Variants in RELN observed in about 807,000 individuals in gnomAD.
RELN encodes the protein reelin.
Under a neutral mutation model 427.6 loss-of-function variants are expected in RELN, and 108 were observed. That is an observed-to-expected ratio of 0.25 (90% CI 0.22 to 0.30). The LOEUF (loss-of-function observed/expected upper bound fraction) is 0.30. Ranked by LOEUF, RELN falls within the 10% of genes least tolerant of loss-of-function variation. RELN has a pLI of 1.00. For missense variants in RELN, 3,715 were observed against 4,302.8 expected (o/e 0.86, Z 3.82); for synonymous variants, 1,524 against 1,513.4 (o/e 1.01, Z -0.16).
Position 103,988,669 on chromosome 7 carries a change from T to C in RELN, c.226+462A>G, listed in dbSNP as rs113171616. Reference sequence around the variant, plus strand: ...GAGCGGCGCGGGGCAGCCACAGACCTGGGCGCTTCAATCTGTCACCAGCCT... The same window carrying C: ...GAGCGGCGCGGGGCAGCCACAGACCCGGGCGCTTCAATCTGTCACCAGCCT... On this transcript the variant is annotated intron_variant, in intron 1 of 64. Coordinates refer to ENST00000428762, the MANE Select transcript of RELN (RefSeq NM_005045.4). This position sits in a 1 kb window ranked among gnomAD's most constrained non-coding sequence, Gnocchi z 4.9. Among the ~76,000 whole-genome samples the C allele has an allele frequency of 4.4e-3, 671 of 152,258 alleles. 4 individuals are homozygous for C. The highest frequency in any genetic ancestry group is 0.017 in the Middle Eastern group (5 of 294).
intron 6 of RELN, among the ~76,000 whole-genome samples, chr7:103,748,814 T>C (rs889751391): frequency 1.3e-5 from 2 of 152,232 alleles, no homozygotes; most frequent in Non-Finnish European, 2.9e-5. Flanking sequence ...TCAGATATTG[T>C]TCCAAATTAT....
At chr7:103,594,725 G>A (rs752005217) in intron 25 of RELN, among the ~76,000 whole-genome samples, 1 of 152,120 alleles carries the variant, frequency 6.6e-6, no homozygotes, top group Admixed American at 6.5e-5. Flanking sequence ...AGAAGAGGGA[G>A]AATATTTCAA....
chr7:103,506,166 G>A (rs1240183598), intron 51 of RELN, among the ~76,000 whole-genome samples: 1 of 152,172 alleles, frequency 6.6e-6, no homozygotes, highest in Non-Finnish European at 1.5e-5. Context: ...ACACTCTTCA[G>A]GATATTATCC....
chr7:103,646,092 A>G (rs1832790960), intron 16 of RELN, among the ~76,000 whole-genome samples: 1 of 151,814 alleles, frequency 6.6e-6, no homozygotes, highest in Non-Finnish European at 1.5e-5. Flanking sequence ...GAGTGAAAAT[A>G]GAGACATAAC....
At chr7:103,896,324 G>A (rs1259477243) in intron 2 of RELN, among the ~76,000 whole-genome samples, 1 of 152,036 alleles carries the variant, frequency 6.6e-6, no homozygotes, top group Non-Finnish European at 1.5e-5. Flanking sequence ...CCCAATAAAA[G>A]TGAAAATACA....
intron 19 of RELN, among the ~76,000 whole-genome samples, chr7:103,631,769 A>G (rs1207555727): frequency 6.6e-6 from 1 of 152,100 alleles, no homozygotes; most frequent in African/African-American, 2.4e-5. Context: ...TATTAAACAA[A>G]TGCATATATT....
chr7:103,893,492 T>C (rs1245436884), intron 2 of RELN, among the ~76,000 whole-genome samples: 1 of 152,198 alleles, frequency 6.6e-6, no homozygotes, highest in Non-Finnish European at 1.5e-5. Flanking sequence ...CCAAATAAGG[T>C]AATGCATGAC....
intron 10 of RELN, among the ~76,000 whole-genome samples, chr7:103,688,947 T>G (rs2115732235): frequency 6.6e-6 from 1 of 152,174 alleles, no homozygotes; most frequent in South Asian, 2.1e-4. Flanking sequence ...TTATCAATAG[T>G]AAAGGTAGTA....
chr7:103,723,119 T>C (rs376648687), intron 8 of RELN, 21 bp downstream of exon 8: 13 of 1,515,958 alleles, frequency 8.6e-6, no homozygotes, highest in Middle Eastern at 1.7e-4. Flanking sequence ...TAAATCGTTA[T>C]AACTGCTAAA....
intron 10 of RELN, among the ~76,000 whole-genome samples, chr7:103,686,490 A>G (rs1304229980): frequency 6.6e-6 from 1 of 152,114 alleles, no homozygotes; most frequent in Non-Finnish European, 1.5e-5. Context: ...GAGGTTTTTT[A>G]ATTAAAATCT....
intron 10 of RELN, among the ~76,000 whole-genome samples, chr7:103,684,296 G>A (rs1310170311): frequency 1.3e-5 from 2 of 152,084 alleles, no homozygotes; most frequent in Non-Finnish European, 2.9e-5. Flanking sequence ...TGGGCACAGC[G>A]GGCTTGGTGT....
chr7:103,767,062 C>A (rs893529169), intron 4 of RELN, among the ~76,000 whole-genome samples: 3 of 152,150 alleles, frequency 2.0e-5, no homozygotes, highest in African/African-American at 7.2e-5. Flanking sequence ...AGAGGGTATG[C>A]CAAGAAGCCC....
chr7:103,655,183 G>A (rs1726470659), intron 12 of RELN, among the ~76,000 whole-genome samples: 1 of 152,020 alleles, frequency 6.6e-6, no homozygotes, highest in African/African-American at 2.4e-5. Context: ...AGGATGACAT[G>A]TCTAACTAGA....
chr7:103,768,563 A>G (rs1189505637), intron 4 of RELN, among the ~76,000 whole-genome samples: 1 of 152,226 alleles, frequency 6.6e-6, no homozygotes. Flanking sequence ...ATTCAGGGTT[A>G]AAGATTTTTC....
chr7:103,558,120 A>G (rs936319634), intron 36 of RELN, 71 bp from the exon 37 acceptor site: 3 of 768,346 alleles, frequency 3.9e-6, no homozygotes, highest in Non-Finnish European at 7.1e-6. Flanking sequence ...GATTTTATAC[A>G]CCTAACTTGC....
chr7:103,698,192 A>T lies in RELN; in HGVS notation c.903-99T>A, dbSNP rs1834018804. On this transcript the variant is annotated intron_variant, in intron 9 of 64. Coordinates refer to ENST00000428762, the MANE Select transcript of RELN (RefSeq NM_005045.4). Reference sequence around the variant, plus strand: ...AGGTTGTAGTTTCATGATCTCAAGAATGTTATATTTATTACAGATAAAATA... The same window carrying T: ...AGGTTGTAGTTTCATGATCTCAAGATTGTTATATTTATTACAGATAAAATA... The T allele has an allele frequency of 4.3e-6, 6 of 1,401,990 alleles. No homozygotes were observed. In the South Asian group the frequency reaches 7.0e-5, roughly 16 times the overall value. The allele number at this position is 1,401,990 out of a possible 1,614,324, so 86.8% of individuals were successfully genotyped here. A position where few individuals can be genotyped will look rare whatever the true frequency, so the allele number is the denominator to read the frequency against.
At chr7:103,629,078 T>C (rs1231575007) in intron 20 of RELN, among the ~76,000 whole-genome samples, 1 of 152,198 alleles carries the variant, frequency 6.6e-6, no homozygotes, top group Non-Finnish European at 1.5e-5. Context: ...TTCCTCCAGA[T>C]ATTTATGTGG....
At chr7:103,503,650 T>G (rs1465145621) in intron 51 of RELN, among the ~76,000 whole-genome samples, 4 of 152,192 alleles carry the variant, frequency 2.6e-5, no homozygotes, top group Non-Finnish European at 5.9e-5. Flanking sequence ...ATACAACACT[T>G]TCAACGACAA....
At chr7:103,672,204 T>G (rs1249070253) in intron 11 of RELN, among the ~76,000 whole-genome samples, 1 of 152,172 alleles carries the variant, frequency 6.6e-6, no homozygotes, top group Admixed American at 6.6e-5. Flanking sequence ...CAAATTTGTT[T>G]TTTCCTGGTA....
Sources: allele counts gnomAD v4.1 joint callset (sites outside exome capture counted in the v4.1 genomes callset), GRCh38; gene constraint gnomAD v4.1.1; non-coding constraint Gnocchi (gnomAD v3.1); transcripts MANE v1.5; gene names NCBI Gene and HGNC (gene_info 2026-07-23, HGNC 2026-07-21).